TUT4: variants seen among roughly 807,000 people sequenced by gnomAD.
The protein encoded by TUT4 is terminal uridylyl transferase 4, also known as terminal uridylyltransferase 4.
Under a neutral mutation model 192.2 loss-of-function variants are expected in TUT4, and 36 were observed. That is an observed-to-expected ratio of 0.19 (90% CI 0.14 to 0.25). The LOEUF (loss-of-function observed/expected upper bound fraction) is 0.25, where lower values mean the gene tolerates loss of function less well. Ranked by LOEUF, TUT4 falls within the 10% of genes least tolerant of loss-of-function variation. The probability of loss-of-function intolerance (pLI) is 1.00; values close to 1 mark genes in which losing one functional copy is unlikely to be tolerated. For synonymous variants in TUT4, 618 were observed against 666.0 expected, an observed-to-expected ratio of 0.93 and a Z score of 1.11; for missense variants, 1,493 against 1,957.2, an observed-to-expected ratio of 0.76 and a Z score of 4.47.
intron 24 of TUT4, among the ~76,000 whole-genome samples, chr1:52,444,079 T>C (rs1656592452): frequency 6.6e-6 from 1 of 152,014 alleles, no homozygotes; most frequent in African/African-American, 2.4e-5. Context: ...CTACTAAAAA[T>C]ACAAAAATTA....
At chr1:52,478,685 T>C (rs1005126203) in intron 11 of TUT4, among the ~76,000 whole-genome samples, 1 of 152,172 alleles carries the variant, frequency 6.6e-6, no homozygotes, top group Admixed American at 6.5e-5. Context: ...CATGCTAAGA[T>C]GGGCCTCTAA....
Position 52,545,848 on chromosome 1 carries a change from G to A in TUT4, c.-94+7083C>T, listed in dbSNP as rs116545355. 4.7e-3 allele frequency among the ~76,000 whole-genome samples: 711 copies of A among 151,750 alleles called. 1 individual carries two copies. Among genetic ancestry groups the A allele is most frequent in the Middle Eastern group, 0.02 (6 of 294 alleles). On this transcript the variant is annotated intron_variant, in intron 1 of 29. Coordinates refer to ENST00000257177, the MANE Select transcript of TUT4 (RefSeq NM_001009881.3). The stretch of plus-strand genomic sequence containing the variant: ...AAATAATAATAATAATAGGCCAGGC[G>A]CGATGGCTCATGCCTGTAATCCCAG...
chr1:52,444,932 TATGTATATACATGTATGTGTATATAC>T (rs1570342996), intron 24 of TUT4, among the ~76,000 whole-genome samples: 1 of 122,806 alleles, frequency 8.1e-6, no homozygotes, highest in South Asian at 2.3e-4. Flanking sequence ...TGTGTATATA[TATGTATATACATGTATGTGTATATAC>T]ATGTATATAC....
chr1:52,521,046 G>A (rs1373241998), intron 2 of TUT4, among the ~76,000 whole-genome samples: 11 of 151,830 alleles, frequency 7.2e-5, no homozygotes, highest in Non-Finnish European at 1.2e-4. Flanking sequence ...CGCCTGCCTC[G>A]GCCTCCCAAA....
At chr1:52,552,344 A>T (rs997083302) in intron 1 of TUT4, among the ~76,000 whole-genome samples, 9 of 152,244 alleles carry the variant, frequency 5.9e-5, no homozygotes, top group African/African-American at 1.7e-4. Context: ...AAAACCGCGC[A>T]TTACCACCTT....
At position 52,497,200 on chromosome 1, in the gene TUT4, T is replaced by C. The variant is rs1490032524; in HGVS notation, c.1000-17A>G. On this transcript the variant is annotated splice_polypyrimidine_tract_variant and intron_variant, in intron 4 of 29. Coordinates refer to ENST00000257177, the MANE Select transcript of TUT4 (RefSeq NM_001009881.3). ...TTGTTTTTCCTATTAATGTAATGAT[T>C]CACAACAATAAAAACAAAAAAAGTT... The C allele has an allele frequency of 1.3e-6, 2 of 1,565,878 alleles. No individual in the cohort carries two copies.
intron 16 of TUT4, chr1:52,463,115 A>G: frequency 1.0e-6 from 1 of 982,970 alleles, no homozygotes; most frequent in Non-Finnish European, 1.2e-6. Context: ...CTGAAAGAAA[A>G]TGATTTATTA....
chr1:52,500,307 T>G (rs1673736188), intron 4 of TUT4, among the ~76,000 whole-genome samples: 1 of 152,124 alleles, frequency 6.6e-6, no homozygotes, highest in Non-Finnish European at 1.5e-5. Flanking sequence ...ATACAAAAAT[T>G]AACTCAAAAT....
intron 1 of TUT4, among the ~76,000 whole-genome samples, chr1:52,531,934 C>T (rs977143789): frequency 3.3e-5 from 4 of 119,470 alleles, no homozygotes; most frequent in Non-Finnish European, 4.8e-5. Context: ...TCCCACTCTG[C>T]TGCCAAGCTG....
At chr1:52,491,622 G>C (rs753748628) in intron 7 of TUT4, among the ~76,000 whole-genome samples, 1 of 152,166 alleles carries the variant, frequency 6.6e-6, no homozygotes, top group East Asian at 1.9e-4. Flanking sequence ...AGGAGGCAGA[G>C]GTTGAAGTGA....
chr1:52,483,368 TCTA>T (rs145409695), intron 9 of TUT4, among the ~76,000 whole-genome samples: 1,836 of 152,290 alleles, frequency 0.012, 47 homozygotes, highest in African/African-American at 0.043. Flanking sequence ...TTTTTCCCAA[TCTA>T]CTATTTTTCT....
chr1:52,538,880 A>G (rs1374123519), intron 1 of TUT4, among the ~76,000 whole-genome samples: 1 of 152,152 alleles, frequency 6.6e-6, no homozygotes, highest in East Asian at 1.9e-4. Context: ...AGAGTGTTGA[A>G]GCCAGGTAAA....
chr1:52,438,664 A>G (rs546519588), intron 24 of TUT4, among the ~76,000 whole-genome samples: 38 of 152,346 alleles, frequency 2.5e-4, no homozygotes, highest in Non-Finnish European at 4.4e-4. Flanking sequence ...TTGCCCATAG[A>G]AAAAACAGGT....
chr1:52,475,193 T>G lies in TUT4; in HGVS notation c.2366A>C (p.Asp789Ala). 1 of 1,614,146 alleles carries G rather than the reference T, an allele frequency of 6.2e-7. No individual in the cohort carries two copies. Among genetic ancestry groups the G allele is most frequent in the Non-Finnish European group, 8.5e-7 (1 of 1,180,012 alleles). The change falls in exon 13 of 30, where the codon GAT becomes GCT. Residue 789 changes from aspartate (D) to alanine (A), a missense_variant. Asp to Ala is a moderately radical substitution (Grantham distance 126, BLOSUM62 -2). Transcript: ENST00000257177. ...DNNNLLVNEL[D>A]FADHGQDSSS... ...AGAGTCCTGTCCGTGGTCAGCAAAATCTAGTTCATTTACCAACAAATTGTT... is the reference window on the plus strand; with the variant it reads ...AGAGTCCTGTCCGTGGTCAGCAAAAGCTAGTTCATTTACCAACAAATTGTT...
At chr1:52,464,875 T>C (rs1663678212) in intron 16 of TUT4, 195 bp downstream of exon 16, 2 of 419,154 alleles carry the variant, frequency 4.8e-6, no homozygotes, top group Admixed American at 4.4e-5. Context: ...ATAAAATTAC[T>C]GAAACACTTT....
At chr1:52,435,486 G>T in intron 26 of TUT4, 21 bp from the exon 27 acceptor site, 2 of 1,585,056 alleles carry the variant, frequency 1.3e-6, no homozygotes, top group Non-Finnish European at 1.7e-6. Flanking sequence ...GCATCACAAA[G>T]AAAATCAACA....
chr1:52,525,974 T>C lies in TUT4; in HGVS notation c.307A>G (p.Asn103Asp), dbSNP rs141105768. The C allele has an allele frequency of 1.5e-4, 248 of 1,614,060 alleles. No individual in the cohort carries two copies. Among genetic ancestry groups the C allele is most frequent in the Non-Finnish European group, 1.8e-4 (212 of 1,180,030 alleles). ...QSHCKAKKFP[N>D]SPVKAEKATI... ...GCCTTTTCGGCTTTCACCGGTGAAT[T>C]AGGAAATTTTTTTGCTTTGCAATGA... is the stretch of plus-strand genomic sequence containing the variant. Residue 103 changes from asparagine to aspartate, a missense_variant, in exon 2 of 30, where the codon AAT (asparagine) becomes GAT (aspartate). Asn to Asp is a conservative substitution (Grantham distance 23). Transcript: ENST00000257177.
intron 9 of TUT4, 94 bp downstream of exon 9, chr1:52,488,815 G>A: frequency 2.4e-6 from 3 of 1,260,780 alleles, no homozygotes; most frequent in South Asian, 4.1e-5. Flanking sequence ...TATGATTGAT[G>A]TTACATGTCA....
intron 14 of TUT4, among the ~76,000 whole-genome samples, chr1:52,469,369 C>T (rs1665056870): frequency 6.6e-6 from 1 of 151,986 alleles, no homozygotes; most frequent in African/African-American, 2.4e-5. Flanking sequence ...AGAAACCATA[C>T]ATAAGCACGG....
Sources: gnomAD v4.1 joint callset for allele counts (sites outside exome capture counted in the v4.1 genomes callset) on GRCh38, gnomAD v4.1.1 for gene constraint, MANE v1.5 for transcripts, NCBI Gene and HGNC (gene_info 2026-07-23, HGNC 2026-07-21) for gene names.